IGF2BP2: variants seen among roughly 807,000 people sequenced by gnomAD.
The protein encoded by IGF2BP2 is insulin like growth factor 2 mRNA binding protein 2.
In IGF2BP2, 17 loss-of-function variants were observed where a neutral mutation model predicts 75.8. The observed-to-expected ratio is 0.22, with a 90% CI of 0.15 to 0.34. IGF2BP2 has a LOEUF of 0.34. Ranked by LOEUF, IGF2BP2 falls within the 10% of genes least tolerant of loss-of-function variation. The pLI is 1.00. For synonymous variants in IGF2BP2, 288 were observed against 295.6 expected, an observed-to-expected ratio of 0.97 and a Z score of 0.26; for missense variants, 516 against 772.4, an observed-to-expected ratio of 0.67 and a Z score of 3.93.
intron 6 of IGF2BP2, chr3:185,689,152 CT>C: frequency 1.7e-6 from 1 of 594,026 alleles, no homozygotes; most frequent in Non-Finnish European, 2.9e-6. Context: ...TCTTTATGAA[CT>C]TTTAGCCTCT....
At chr3:185,762,600 C>A (rs10513800) in intron 2 of IGF2BP2, among the ~76,000 whole-genome samples, 44,199 of 150,822 alleles carry the variant, frequency 0.29, 7,303 homozygotes, top group African/African-American at 0.46. Context: ...GTTTGAGAGA[C>A]AGTGTGTTTT....
chr3:185,734,661 G>A (rs997928171), intron 2 of IGF2BP2, among the ~76,000 whole-genome samples: 5 of 152,174 alleles, frequency 3.3e-5, no homozygotes, highest in African/African-American at 1.2e-4. Flanking sequence ...TAAGGCAGCA[G>A]TAACGTGGAA....
intron 14 of IGF2BP2, 104 bp downstream of exon 14, chr3:185,649,299 T>A (rs1714150572): frequency 7.0e-7 from 1 of 1,435,250 alleles, no homozygotes. Flanking sequence ...AGACCCTGAC[T>A]GTACATTGGG....
chr3:185,816,746 T>C (rs1349757704), intron 2 of IGF2BP2, among the ~76,000 whole-genome samples: 1 of 152,230 alleles, frequency 6.6e-6, no homozygotes, highest in Non-Finnish European at 1.5e-5. Context: ...AATGAAATAA[T>C]GTGTCAAAGA....
chr3:185,752,653 G>C (rs543549707), intron 2 of IGF2BP2, among the ~76,000 whole-genome samples: 1 of 152,016 alleles, frequency 6.6e-6, no homozygotes, highest in African/African-American at 2.4e-5. Context: ...GCAGTGGCAT[G>C]ATCTTGGCTC....
At chr3:185,700,623 A>T (rs1723159837) in intron 2 of IGF2BP2, among the ~76,000 whole-genome samples, 1 of 152,212 alleles carries the variant, frequency 6.6e-6, no homozygotes, top group South Asian at 2.1e-4. Flanking sequence ...TTCTCAAGAA[A>T]ATAAAATATT....
chr3:185,767,631 G>A (rs923817454), intron 2 of IGF2BP2, among the ~76,000 whole-genome samples: 3 of 151,882 alleles, frequency 2.0e-5, no homozygotes, highest in Admixed American at 2.0e-4. Context: ...TATATTTGGG[G>A]AAATATTGAT....
Position 185,722,542 on chromosome 3 carries a change from T to C in IGF2BP2, c.240-24195A>G, listed in dbSNP as rs558964865. 8 of 263,972 alleles carry C rather than the reference T, an allele frequency of 3.0e-5. No individual in the cohort carries two copies. In the East Asian group the frequency reaches 1.3e-3, roughly 41 times the overall value. 16.4% of individuals were successfully genotyped at this position (263,972 alleles called of 1,614,324 possible). A position where few individuals can be genotyped will look rare whatever the true frequency, so the allele number is the denominator to read the frequency against. ...GTACAGTGAGCTTGGAAGTAAGTGA[T>C]ATGGTGGGAAGGTGGGAAGGTGGAA... On this transcript the variant is annotated intron_variant, in intron 2 of 15. Coordinates refer to ENST00000382199, the MANE Select transcript of IGF2BP2 (RefSeq NM_006548.6).
chr3:185,689,419 C>A lies in IGF2BP2; in HGVS notation c.613G>T (p.Val205Phe), dbSNP rs1295008280. ...CCCTCCTTTCCGATGATGGCACCAA[C>A]AAACTGGGTGGGGACCAGGATCCGC... is the stretch of plus-strand genomic sequence containing the variant. ...PLRILVPTQF[V>F]GAIIGKEGLT... Residue 205 changes from valine (V) to phenylalanine (F), a missense_variant, in exon 6 of 16, where the codon GTT (valine) becomes TTT (phenylalanine). Val to Phe is a conservative substitution (Grantham distance 50). This residue lies in a region of IGF2BP2 where 312 missense variants were observed against 474.5 expected (regional missense o/e 0.66). Transcript: ENST00000382199. 3.7e-6 allele frequency: 6 copies of A among 1,614,094 alleles called. No homozygotes were observed. The highest frequency in any genetic ancestry group is 1.7e-4 in the Middle Eastern group (1 of 6,002).
At chr3:185,681,799 A>AG (rs1354015112) in intron 7 of IGF2BP2, among the ~76,000 whole-genome samples, 1 of 152,248 alleles carries the variant, frequency 6.6e-6, no homozygotes, top group Non-Finnish European at 1.5e-5. Flanking sequence ...TAAGGTGCTG[A>AG]GACCACTAGA....
At chr3:185,753,368 G>A (rs1369532002) in intron 2 of IGF2BP2, among the ~76,000 whole-genome samples, 1 of 152,120 alleles carries the variant, frequency 6.6e-6, no homozygotes, top group Non-Finnish European at 1.5e-5. Context: ...AAAGCATGTG[G>A]TCTTTCATCT....
At chr3:185,743,444 T>C (rs1729839722) in intron 2 of IGF2BP2, among the ~76,000 whole-genome samples, 1 of 152,010 alleles carries the variant, frequency 6.6e-6, no homozygotes, top group Non-Finnish European at 1.5e-5. Flanking sequence ...CCTGGCTAAT[T>C]TTTGTATTTT....
intron 4 of IGF2BP2, chr3:185,693,160 G>C (rs1722175508): frequency 6.3e-6 from 1 of 157,836 alleles, no homozygotes; most frequent in African/African-American, 2.4e-5. Flanking sequence ...AGTCTAAATA[G>C]TGTTGCTAAA....
At position 185,649,566 on chromosome 3, in the gene IGF2BP2, A is replaced by G. The variant is rs764499000; in HGVS notation, c.1462-32T>C. The G allele has an allele frequency of 1.9e-6, 3 of 1,612,874 alleles. No individual in the cohort carries two copies. The South Asian group carries it at 3.3e-5, about 18-fold the overall frequency. ...GAGCAAGACATGACTAATGACTCTC[A>G]GTCAGCCAGCAGCCGGCCACTTCAT... On this transcript the variant is annotated intron_variant, in intron 13 of 15. Coordinates refer to ENST00000382199, the MANE Select transcript of IGF2BP2 (RefSeq NM_006548.6).
intron 2 of IGF2BP2, among the ~76,000 whole-genome samples, chr3:185,774,194 G>A (rs924048991): frequency 6.6e-6 from 1 of 152,162 alleles, no homozygotes; most frequent in Non-Finnish European, 1.5e-5. Context: ...TAGAGCACAA[G>A]CAAGCAGGAG....
At chr3:185,773,477 T>G (rs1578256187) in intron 2 of IGF2BP2, among the ~76,000 whole-genome samples, 1 of 152,226 alleles carries the variant, frequency 6.6e-6, no homozygotes, top group African/African-American at 2.4e-5. Context: ...TAGATAATTT[T>G]TAGAAGTAGG....
At chr3:185,788,289 G>C (rs981247834) in intron 2 of IGF2BP2, among the ~76,000 whole-genome samples, 1 of 152,152 alleles carries the variant, frequency 6.6e-6, no homozygotes, top group African/African-American at 2.4e-5. Flanking sequence ...GGAGGCCGAG[G>C]TGGGCTGATC....
chr3:185,759,158 A>G lies in IGF2BP2; in HGVS notation c.240-60811T>C, dbSNP rs569534032. On this transcript the variant is annotated intron_variant, in intron 2 of 15. Coordinates refer to ENST00000382199, the MANE Select transcript of IGF2BP2 (RefSeq NM_006548.6). Reference sequence around the variant, plus strand: ...ATAACACCTGGGATACCAATGCAATACATGTTACTATGAATAAGAGTGCCA... The same window carrying G: ...ATAACACCTGGGATACCAATGCAATGCATGTTACTATGAATAAGAGTGCCA... 1.2e-4 allele frequency among the ~76,000 whole-genome samples: 18 copies of G among 152,342 alleles called. No homozygotes were observed. The East Asian group carries it at 3.5e-3, about 29-fold the overall frequency.
intron 2 of IGF2BP2, among the ~76,000 whole-genome samples, chr3:185,819,379 CA>C (rs1367083072): frequency 6.6e-6 from 1 of 152,004 alleles, no homozygotes; most frequent in African/African-American, 2.4e-5. Flanking sequence ...GTATAAATCT[CA>C]TTGGTTTCTA....
Sources: allele counts gnomAD v4.1 joint callset (sites outside exome capture counted in the v4.1 genomes callset), GRCh38; gene constraint gnomAD v4.1.1; regional missense constraint gnomAD v4.1.1; transcripts MANE v1.5; gene names NCBI Gene and HGNC (gene_info 2026-07-23, HGNC 2026-07-21).